Variants in RGS12 observed in about 807,000 individuals in gnomAD.
RGS12 encodes the protein regulator of G protein signaling 12, also known as regulator of G-protein signaling 12.
Under a neutral mutation model 120.1 loss-of-function variants are expected in RGS12, and 66 were observed. The ratio of observed to expected loss-of-function variants is 0.55; its 90% CI spans 0.45 to 0.67. The LOEUF is 0.67. RGS12 is among the 30% of genes least tolerant of loss of function. The pLI is 0.00. For synonymous variants in RGS12, 827 were observed against 804.7 expected (o/e 1.03, Z -0.47); for missense variants, 1,859 against 1,957.7 (o/e 0.95, Z 0.95).
rs192745151 is a variant in RGS12, at chr4:3,366,417, T to C, written c.1999-19999T>C. On this transcript the variant is annotated intron_variant, in intron 3 of 17. Transcript: ENST00000336727. This position sits in a 1 kb window ranked among gnomAD's most constrained non-coding sequence, Gnocchi z 4.0. ...TAAGAGCAGGGAGAGAATCAGGGCC[T>C]GTGCTCATATCTGTGAGCTCTGCAG... is the stretch of plus-strand genomic sequence containing the variant. Among the ~76,000 whole-genome samples the C allele has an allele frequency of 2.6e-5, 4 of 152,236 alleles. No homozygotes were observed. Among genetic ancestry groups the C allele is most frequent in the South Asian group, 2.1e-4 (1 of 4,822 alleles).
intron 3 of RGS12, among the ~76,000 whole-genome samples, chr4:3,368,202 CAGT>C (rs918732805): frequency 6.6e-6 from 1 of 152,206 alleles, no homozygotes; most frequent in African/African-American, 2.4e-5. Flanking sequence ...TGTAAACTGT[CAGT>C]AGTGCAGGCC....
chr4:3,350,032 A>G (rs1406576049), intron 3 of RGS12, among the ~76,000 whole-genome samples: 1 of 152,222 alleles, frequency 6.6e-6, no homozygotes, highest in Non-Finnish European at 1.5e-5. Flanking sequence ...AAACTGAGAT[A>G]TAGAAAAAGC....
chr4:3,349,197 T>C (rs1428368554), intron 3 of RGS12, among the ~76,000 whole-genome samples: 1 of 152,200 alleles, frequency 6.6e-6, no homozygotes, highest in Non-Finnish European at 1.5e-5. Context: ...TTTCTTCTAA[T>C]TATAACCAAC....
In RGS12 at chr4:3,365,588, G is replaced by A. The variant is rs1337370000; in HGVS notation, c.1999-20828G>A. Among the ~76,000 whole-genome samples the A allele has an allele frequency of 6.6e-6, 1 of 152,304 alleles. No individual in the cohort carries two copies. Among genetic ancestry groups the A allele is most frequent in the Non-Finnish European group, 1.5e-5 (1 of 68,032 alleles). On this transcript the variant is annotated intron_variant, in intron 3 of 17. Coordinates refer to ENST00000336727, the MANE Select transcript of RGS12 (RefSeq NM_001394154.1). This position sits in a 1 kb window ranked among gnomAD's most constrained non-coding sequence, Gnocchi z 4.0. ...CGGACACGGCCTTCTTGGCTGTTGG[G>A]TTGATAATGTTGGCTTCTTCCTGGC...
chr4:3,426,370 G>C (rs1723647046), intron 14 of RGS12, among the ~76,000 whole-genome samples: 1 of 151,736 alleles, frequency 6.6e-6, no homozygotes, highest in Non-Finnish European at 1.5e-5. Context: ...GGGAGGCTTT[G>C]GAGTTAGTAC....
Position 3,390,089 on chromosome 4 carries a change from C to T in RGS12, c.2020+3652C>T, listed in dbSNP as rs1370458736. Among the ~76,000 whole-genome samples, 1 of 152,184 alleles carries T rather than the reference C, an allele frequency of 6.6e-6. No individual in the cohort carries two copies. The highest frequency in any genetic ancestry group is 1.9e-4 in the East Asian group (1 of 5,190). ...CCCACAGCAGCAGCAGTGATCTGCC[C>T]AGCCCCTGCACTGGACCCCTCCACC... On this transcript the variant is annotated intron_variant, in intron 4 of 17. Coordinates refer to ENST00000336727, the MANE Select transcript of RGS12 (RefSeq NM_001394154.1). This position sits in a 1 kb window ranked among gnomAD's most constrained non-coding sequence, Gnocchi z 4.6.
chr4:3,323,388 G>A (rs1412141808), intron 2 of RGS12, among the ~76,000 whole-genome samples: 6 of 152,208 alleles, frequency 3.9e-5, no homozygotes, highest in Non-Finnish European at 7.4e-5. Flanking sequence ...CCTCTGCCCC[G>A]CTCCGCGCGG....
At position 3,350,327 on chromosome 4, in the gene RGS12, T is replaced by G. The variant is rs181702820; in HGVS notation, c.1998+7274T>G. ...CTGGGCAAAAATGTATGCTGACAGT[T>G]TTGAAGACACTTCTATTTTTATTTT... is the stretch of plus-strand genomic sequence containing the variant. On this transcript the variant is annotated intron_variant, in intron 3 of 17. Coordinates refer to ENST00000336727, the MANE Select transcript of RGS12 (RefSeq NM_001394154.1). Among the ~76,000 whole-genome samples the G allele has an allele frequency of 5.3e-3, 809 of 152,338 alleles. 6 individuals carry two copies. The highest frequency in any genetic ancestry group is 5.6e-3 in the Non-Finnish European group (378 of 68,036).
chr4:3,436,385 A>G (rs961371313), intron 17 of RGS12, among the ~76,000 whole-genome samples: 1 of 152,048 alleles, frequency 6.6e-6, no homozygotes, highest in Non-Finnish European at 1.5e-5. Context: ...GCGAGCTTCC[A>G]AGGGGCGCTG....
chr4:3,343,155 C>T, intron 3 of RGS12, 102 bp downstream of exon 3: 1 of 762,286 alleles, frequency 1.3e-6, no homozygotes, highest in Non-Finnish European at 2.2e-6. Flanking sequence ...CTGTGGTCCC[C>T]TCCCCTCCTC....
intron 1 of RGS12, among the ~76,000 whole-genome samples, chr4:3,306,158 G>A (rs116723134): frequency 8.5e-5 from 13 of 152,314 alleles, no homozygotes; most frequent in East Asian, 1.9e-4. Context: ...CCCACCCTTC[G>A]TCTCTTTACA....
At chr4:3,422,877 C>T (rs202048592) in intron 11 of RGS12, 28 bp from the exon 12 acceptor site, 48 of 1,604,488 alleles carry the variant, frequency 3.0e-5, no homozygotes, top group Middle Eastern at 1.7e-4. Context: ...GCTGTGCCCA[C>T]GTTGATTCTG....
At chr4:3,305,602 T>G (rs1723934296) in intron 1 of RGS12, among the ~76,000 whole-genome samples, 1 of 152,084 alleles carries the variant, frequency 6.6e-6, no homozygotes, top group Non-Finnish European at 1.5e-5. Context: ...GGCCAGACCT[T>G]CCTGTTCAAA....
chr4:3,415,957 C>A, intron 6 of RGS12, 21 bp from the exon 7 acceptor site: 1 of 1,594,988 alleles, frequency 6.3e-7, no homozygotes, highest in Non-Finnish European at 8.5e-7. Context: ...TGCCGGGCTG[C>A]TCAGGTGCCT....
At chr4:3,338,040 G>A (rs779177733) in intron 2 of RGS12, among the ~76,000 whole-genome samples, 2 of 152,088 alleles carry the variant, frequency 1.3e-5, no homozygotes, top group Admixed American at 6.6e-5. Flanking sequence ...TCTTTGCTCC[G>A]AACTGATGGT....
chr4:3,335,723 G>A (rs1425742191), intron 2 of RGS12, among the ~76,000 whole-genome samples: 2 of 152,150 alleles, frequency 1.3e-5, no homozygotes, highest in Non-Finnish European at 2.9e-5. Context: ...GGAATTGGAG[G>A]TTACAGTGAA....
chr4:3,432,323 C>G (rs1197167321), intron 17 of RGS12: 1 of 375,462 alleles, frequency 2.7e-6, no homozygotes, highest in African/African-American at 2.2e-5. Context: ...AATATACCAT[C>G]CACTGAACAA....
intron 2 of RGS12, among the ~76,000 whole-genome samples, chr4:3,335,526 G>C (rs971827752): frequency 2.0e-5 from 3 of 152,124 alleles, no homozygotes; most frequent in Non-Finnish European, 4.4e-5. Context: ...TGTCCCCAGG[G>C]GCGCTCCCCG....
At chr4:3,358,908 T>C (rs1442190156) in intron 3 of RGS12, among the ~76,000 whole-genome samples, 1 of 76,636 alleles carries the variant, frequency 1.3e-5, no homozygotes, top group African/African-American at 5.3e-5. Flanking sequence ...CTCCTCCTTC[T>C]CCTCCTCTCT....
Sources: allele counts gnomAD v4.1 joint callset (sites outside exome capture counted in the v4.1 genomes callset), GRCh38; gene constraint gnomAD v4.1.1; non-coding constraint Gnocchi (gnomAD v3.1); transcripts MANE v1.5; gene names NCBI Gene and HGNC (gene_info 2026-07-23, HGNC 2026-07-21).